The following DTNB variants were observed in gnomAD, a reference collection of about 807,000 sequenced individuals.
DTNB encodes DTN-B.
A neutral mutation model predicts 90.7 loss-of-function variants in DTNB; 63 were observed. That is an observed-to-expected ratio of 0.69 (90% CI 0.57 to 0.86). The LOEUF (loss-of-function observed/expected upper bound fraction) is 0.86, where lower values mean the gene tolerates loss of function less well. Among genes scored for constraint, DTNB ranks in the 40% least tolerant of loss-of-function variants. The pLI is 0.00. For synonymous variants in DTNB, 277 were observed against 286.7 expected (o/e 0.97, Z 0.34); for missense variants, 744 against 807.1 (o/e 0.92, Z 0.95).
intron 9 of DTNB, among the ~76,000 whole-genome samples, chr2:25,514,410 A>G (rs2074574847): frequency 6.6e-6 from 1 of 152,152 alleles, no homozygotes; most frequent in South Asian, 2.1e-4. Flanking sequence ...CAGGAACCAG[A>G]TTTTATGGGG....
Position 25,502,110 on chromosome 2 carries a change from G to A in DTNB, c.1002-19237C>T, listed in dbSNP as rs533115519. 2.4e-4 allele frequency among the ~76,000 whole-genome samples: 36 copies of A among 152,188 alleles called. No individual in the cohort carries two copies. The South Asian group carries it at 7.3e-3, about 31-fold the overall frequency. On this transcript the variant is annotated intron_variant, in intron 9 of 20. Coordinates refer to ENST00000406818, the MANE Select transcript of DTNB (RefSeq NM_021907.5). ...GAGGTGGGAGGATTGCTTAAGCCCA[G>A]GGAGGTGGAGTCTGCAGTGAGCCGT...
intron 8 of DTNB, among the ~76,000 whole-genome samples, chr2:25,566,861 G>A (rs1455321286): frequency 6.6e-6 from 1 of 152,214 alleles, no homozygotes; most frequent in African/African-American, 2.4e-5. Context: ...AGGACCAGCG[G>A]TGCTAAAGGG....
intron 15 of DTNB, among the ~76,000 whole-genome samples, chr2:25,421,881 T>C (rs1023674353): frequency 2.0e-5 from 3 of 152,220 alleles, no homozygotes; most frequent in Admixed American, 6.5e-5. Context: ...AGTAGATATA[T>C]CAGGTTAGGC....
chr2:25,482,264 C>T (rs957542300), intron 10 of DTNB, among the ~76,000 whole-genome samples: 26 of 152,188 alleles, frequency 1.7e-4, no homozygotes, highest in Non-Finnish European at 1.2e-4. Context: ...ACACAGTTCT[C>T]ATTCCTTGAA....
intron 7 of DTNB, among the ~76,000 whole-genome samples, chr2:25,577,532 T>C (rs1270543629): frequency 1.3e-5 from 2 of 149,024 alleles, no homozygotes; most frequent in African/African-American, 5.2e-5. Flanking sequence ...AAAGATTTAA[T>C]ACATCAGAAA....
At chr2:25,607,132 AT>A (rs1260382702) in intron 5 of DTNB, 103 bp downstream of exon 5, 3 of 1,275,712 alleles carry the variant, frequency 2.4e-6, no homozygotes, top group Non-Finnish European at 3.3e-6. Flanking sequence ...TGACATGGTA[AT>A]TTTTTTAAAA....
intron 9 of DTNB, among the ~76,000 whole-genome samples, chr2:25,522,431 A>G (rs2076317576): frequency 6.6e-6 from 1 of 152,184 alleles, no homozygotes; most frequent in African/African-American, 2.4e-5. Flanking sequence ...TGTGTTGGGT[A>G]TAATTCATTC....
At chr2:25,436,639 A>C (rs534056011) in intron 12 of DTNB, among the ~76,000 whole-genome samples, 1 of 149,974 alleles carries the variant, frequency 6.7e-6, no homozygotes, top group Admixed American at 6.6e-5. Flanking sequence ...TTTTTAAAAG[A>C]AAAAAAAAAC....
intron 3 of DTNB, among the ~76,000 whole-genome samples, chr2:25,637,198 A>C (rs1477004654): frequency 6.6e-6 from 1 of 152,180 alleles, no homozygotes; most frequent in African/African-American, 2.4e-5. Context: ...ACCTTATACA[A>C]AAATTAATTC....
chr2:25,456,170 T>C (rs966664621), intron 10 of DTNB, among the ~76,000 whole-genome samples: 1 of 152,212 alleles, frequency 6.6e-6, no homozygotes, highest in Admixed American at 6.5e-5. Context: ...TTGCATAAAA[T>C]AGAGTAATCT....
At chr2:25,568,823 G>A (rs73922429) in intron 8 of DTNB, among the ~76,000 whole-genome samples, 9,225 of 152,210 alleles carry the variant, frequency 0.061, 898 homozygotes, top group African/African-American at 0.21. Context: ...GTGGAGTCCC[G>A]TTCTCCTCCC....
At chr2:25,404,817 T>A (rs567076585) in intron 16 of DTNB, among the ~76,000 whole-genome samples, 21 of 152,262 alleles carry the variant, frequency 1.4e-4, no homozygotes, top group African/African-American at 4.6e-4. Flanking sequence ...ATCGTGCCAT[T>A]GCACTCCAGC....
chr2:25,444,355 C>T (rs759078249), intron 12 of DTNB, among the ~76,000 whole-genome samples: 1 of 151,842 alleles, frequency 6.6e-6, no homozygotes, highest in African/African-American at 2.4e-5. Flanking sequence ...ATGGTGAAAC[C>T]CTGTCTCTAT....
At chr2:25,454,114 C>T (rs6758432) in intron 11 of DTNB, among the ~76,000 whole-genome samples, 50,211 of 149,804 alleles carry the variant, frequency 0.34, 10,134 homozygotes, top group Non-Finnish European at 0.46. Flanking sequence ...GGCACCACTG[C>T]GCTCCAACCT....
intron 5 of DTNB, among the ~76,000 whole-genome samples, chr2:25,600,657 C>G (rs1573214189): frequency 6.6e-6 from 1 of 152,140 alleles, no homozygotes; most frequent in African/African-American, 2.4e-5. Context: ...TGGAAATATT[C>G]AGGACCAGTG....
chr2:25,503,743 T>C (rs1480090230), intron 9 of DTNB, among the ~76,000 whole-genome samples: 2 of 151,044 alleles, frequency 1.3e-5, no homozygotes, highest in African/African-American at 2.4e-5. Context: ...TGAAACCCCA[T>C]CTCTACTAAA....
chr2:25,599,149 G>A (rs1380699836), intron 5 of DTNB: 2 of 150,934 alleles, frequency 1.3e-5, no homozygotes, highest in African/African-American at 2.4e-5. Context: ...GGACAGGGGA[G>A]GCCAAGTCCA....
intron 15 of DTNB, chr2:25,426,523 C>T (rs1360725304): frequency 6.6e-6 from 1 of 152,226 alleles, no homozygotes; most frequent in Non-Finnish European, 1.5e-5. Context: ...GGTTCTTGGG[C>T]CTTTGGACTC....
intron 8 of DTNB, among the ~76,000 whole-genome samples, chr2:25,552,272 T>C (rs1466664634): frequency 1.3e-5 from 2 of 152,180 alleles, no homozygotes; most frequent in East Asian, 3.9e-4. Flanking sequence ...GGAATGGGAG[T>C]TGTTTTCAGT....
Sources: gnomAD v4.1 joint callset for allele counts (sites outside exome capture counted in the v4.1 genomes callset) on GRCh38, gnomAD v4.1.1 for gene constraint, MANE v1.5 for transcripts, NCBI Gene and HGNC (gene_info 2026-07-23, HGNC 2026-07-21) for gene names.